Variants in RERG observed in about 807,000 individuals in gnomAD.
RERG encodes the protein ras-related and estrogen-regulated growth inhibitor.
Under a neutral mutation model 23.2 loss-of-function variants are expected in RERG, and 25 were observed. The observed-to-expected ratio is 1.08, with a 90% CI of 0.79 to 1.50. The LOEUF (loss-of-function observed/expected upper bound fraction) is 1.50. Ranked by LOEUF, RERG falls within the 40% of genes most tolerant of loss-of-function variation. The pLI, the probability that RERG is intolerant of heterozygous loss-of-function variation, is 0.00. For synonymous variants in RERG, 81 were observed against 89.1 expected, an observed-to-expected ratio of 0.91 and a Z score of 0.51; for missense variants, 253 against 250.1, an observed-to-expected ratio of 1.01 and a Z score of -0.08.
At chr12:15,175,790 C>CATG (rs942240022) in intron 2 of RERG, among the ~76,000 whole-genome samples, 4 of 152,080 alleles carry the variant, frequency 2.6e-5, no homozygotes, top group Non-Finnish European at 5.9e-5. Context: ...ATAGGTCAAA[C>CATG]AGTGACAGTG....
intron 2 of RERG, among the ~76,000 whole-genome samples, chr12:15,122,549 G>A (rs1226626760): frequency 6.6e-6 from 1 of 152,132 alleles, no homozygotes; most frequent in Non-Finnish European, 1.5e-5. Context: ...TATTTGCAGT[G>A]CCTAAAGTAG....
intron 2 of RERG, among the ~76,000 whole-genome samples, chr12:15,163,527 G>A (rs1010923449): frequency 6.6e-6 from 1 of 152,098 alleles, no homozygotes; most frequent in Non-Finnish European, 1.5e-5. Flanking sequence ...TCTCTGCTGC[G>A]AATCCAGATC....
Position 15,206,696 on chromosome 12 carries a change from T to TA in RERG, c.61+10732dup, listed in dbSNP as rs1474419962. Among the ~76,000 whole-genome samples the TA allele has an allele frequency of 3.9e-5, 6 of 152,068 alleles. No individual in the cohort carries two copies. The East Asian group carries it at 1.2e-3, about 29-fold the overall frequency. On this transcript the variant is annotated intron_variant, in intron 2 of 4. Transcript: ENST00000256953. ...TTTGATATCAACTGCTATAACCCAA[T>TA]AAAAAAACACATTTCCAAACTCAGC...
At chr12:15,166,440 C>T (rs1864687970) in intron 2 of RERG, among the ~76,000 whole-genome samples, 1 of 151,888 alleles carries the variant, frequency 6.6e-6, no homozygotes, top group African/African-American at 2.4e-5. Flanking sequence ...GGACAAGTCA[C>T]CAAGGCACTC....
chr12:15,167,099 T>A (rs1864706341), intron 2 of RERG, among the ~76,000 whole-genome samples: 1 of 152,174 alleles, frequency 6.6e-6, no homozygotes, highest in Non-Finnish European at 1.5e-5. Flanking sequence ...GTACATTTTC[T>A]TACCAAGTAT....
intron 2 of RERG, among the ~76,000 whole-genome samples, chr12:15,157,760 A>G (rs768974170): frequency 1.9e-4 from 29 of 152,136 alleles, no homozygotes; most frequent in Non-Finnish European, 3.2e-4. Context: ...TACTGATGAG[A>G]AAATTTTGCT....
chr12:15,127,414 G>A (rs770574493), intron 2 of RERG, among the ~76,000 whole-genome samples: 35 of 152,136 alleles, frequency 2.3e-4, no homozygotes, highest in Admixed American at 1.9e-3. Flanking sequence ...CTTTAAAGTG[G>A]AACTTTCATT....
intron 2 of RERG, among the ~76,000 whole-genome samples, chr12:15,146,330 GT>G (rs1423187846): frequency 6.6e-6 from 1 of 152,098 alleles, no homozygotes; most frequent in Non-Finnish European, 1.5e-5. Flanking sequence ...ACTGTATTAT[GT>G]TATTTTATAT....
intron 2 of RERG, among the ~76,000 whole-genome samples, chr12:15,182,560 C>A (rs1341269901): frequency 6.6e-6 from 1 of 152,102 alleles, no homozygotes; most frequent in East Asian, 1.9e-4. Context: ...TTTTTCTCAT[C>A]TAAAACAATT....
chr12:15,196,681 G>A (rs1441012753), intron 2 of RERG, among the ~76,000 whole-genome samples: 1 of 152,174 alleles, frequency 6.6e-6, no homozygotes, highest in Non-Finnish European at 1.5e-5. Flanking sequence ...TCTCTGGGAT[G>A]AGAAATCATT....
chr12:15,112,840 G>T (rs1029461665), intron 3 of RERG, among the ~76,000 whole-genome samples: 3 of 152,158 alleles, frequency 2.0e-5, no homozygotes, highest in African/African-American at 4.8e-5. Context: ...TAATGACTGA[G>T]AATTTCTCAA....
chr12:15,160,570 A>G (rs1377267725), intron 2 of RERG, among the ~76,000 whole-genome samples: 1 of 152,206 alleles, frequency 6.6e-6, no homozygotes, highest in Non-Finnish European at 1.5e-5. Flanking sequence ...AGTAATATTT[A>G]AATTATTTAT....
At chr12:15,114,476 A>G (rs1863683091) in intron 3 of RERG, 1 of 152,202 alleles carries the variant, frequency 6.6e-6, no homozygotes, top group South Asian at 2.1e-4. Flanking sequence ...AAAAACATAT[A>G]TCAAATGATG....
intron 2 of RERG, among the ~76,000 whole-genome samples, chr12:15,145,176 C>T (rs1381779213): frequency 1.3e-5 from 2 of 152,130 alleles, no homozygotes; most frequent in East Asian, 3.9e-4. Flanking sequence ...TCCCAAACAA[C>T]CCCATTCTCA....
intron 2 of RERG, among the ~76,000 whole-genome samples, chr12:15,170,659 C>G (rs752425185): frequency 1.3e-5 from 2 of 152,016 alleles, no homozygotes; most frequent in African/African-American, 2.4e-5. Flanking sequence ...AAAGGGCAGC[C>G]GAGCTCGAGG....
chr12:15,179,159 C>G (rs1367766646), intron 2 of RERG, among the ~76,000 whole-genome samples: 1 of 152,148 alleles, frequency 6.6e-6, no homozygotes, highest in Non-Finnish European at 1.5e-5. Flanking sequence ...ATGTGTGTAG[C>G]AGAGGTGCTG....
intron 2 of RERG, among the ~76,000 whole-genome samples, chr12:15,152,965 C>A (rs950631640): frequency 8.6e-5 from 13 of 152,042 alleles, no homozygotes; most frequent in Non-Finnish European, 1.5e-4. Context: ...TTAATATGTG[C>A]AGACAAGTAT....
intron 1 of RERG, among the ~76,000 whole-genome samples, chr12:15,218,211 T>C (rs1187494753): frequency 6.6e-6 from 1 of 152,174 alleles, no homozygotes; most frequent in African/African-American, 2.4e-5. Context: ...AATGCCCTGG[T>C]ACAAAAACGA....
intron 2 of RERG, among the ~76,000 whole-genome samples, chr12:15,145,680 T>C (rs1029703344): frequency 8.5e-5 from 13 of 152,218 alleles, no homozygotes; most frequent in African/African-American, 2.9e-4. Context: ...GACCAAATGA[T>C]GAAGACTTCC....
Sources: gnomAD v4.1 joint callset for allele counts (sites outside exome capture counted in the v4.1 genomes callset) on GRCh38, gnomAD v4.1.1 for gene constraint, MANE v1.5 for transcripts, NCBI Gene and HGNC (gene_info 2026-07-23, HGNC 2026-07-21) for gene names.